Variants in MAPK10 observed in about 807,000 individuals in gnomAD.
MAPK10 encodes the protein mitogen-activated protein kinase 10, also known as JNK3 alpha protein kinase.
A neutral mutation model predicts 59.3 loss-of-function variants in MAPK10; 25 were observed. The ratio of observed to expected loss-of-function variants is 0.42; its 90% confidence interval spans 0.31 to 0.59. The LOEUF is 0.59. Ranked by LOEUF, MAPK10 falls within the 20% of genes least tolerant of loss-of-function variation. MAPK10 has a pLI of 0.15. For synonymous variants in MAPK10, 190 were observed against 200.5 expected (o/e 0.95, Z 0.44); for missense variants, 351 against 568.9 (o/e 0.62, Z 3.90).
At chr4:86,109,887 C>A (rs753543676) in intron 4 of MAPK10, among the ~76,000 whole-genome samples, 1 of 152,184 alleles carries the variant, frequency 6.6e-6, no homozygotes, top group Non-Finnish European at 1.5e-5. Flanking sequence ...GCCTTGCCAG[C>A]ATCTGTTTCT....
At chr4:86,225,661 C>T (rs186752634) in intron 2 of MAPK10, among the ~76,000 whole-genome samples, 14 of 152,246 alleles carry the variant, frequency 9.2e-5, no homozygotes, top group Admixed American at 2.0e-4. Context: ...CATATTTTAT[C>T]GGTAACATAA....
rs1481471148 is a variant in MAPK10 at position 86,350,715 on chromosome 4, CTTT to C, written c.-7+3812_-7+3814del. Reference sequence around the variant, plus strand: ...TGGATGACAGAGTATATTGAAAATTCTTTAAGTAGGGCAATTATACGGTAACAA... The same window carrying C: ...TGGATGACAGAGTATATTGAAAATTCAAGTAGGGCAATTATACGGTAACAA... On this transcript the variant is annotated intron_variant, in intron 2 of 13. Coordinates refer to ENST00000641462, the MANE Select transcript of MAPK10 (RefSeq NM_138982.4). 5.3e-5 allele frequency among the ~76,000 whole-genome samples: 8 copies of C among 152,216 alleles called. No individual in the cohort carries two copies. In the East Asian group the frequency reaches 1.4e-3, roughly 26 times the overall value.
chr4:86,109,174 C>T (rs1170967152), intron 4 of MAPK10, among the ~76,000 whole-genome samples: 1 of 152,146 alleles, frequency 6.6e-6, no homozygotes, highest in Non-Finnish European at 1.5e-5. Flanking sequence ...CTAAGTCTGT[C>T]CTGGAACTCT....
chr4:86,569,804 AGGTG>A (rs1280413915), intron 1 of MAPK10, among the ~76,000 whole-genome samples: 9 of 152,080 alleles, frequency 5.9e-5, no homozygotes. Context: ...TCCAAAAGGT[AGGTG>A]GGTGAGAGAG....
intron 4 of MAPK10, among the ~76,000 whole-genome samples, chr4:86,130,220 T>C (rs942974690): frequency 6.6e-6 from 1 of 152,142 alleles, no homozygotes; most frequent in Non-Finnish European, 1.5e-5. Flanking sequence ...TCAACAACAA[T>C]TTACTGATCT....
At chr4:86,447,208 C>T (rs1750148884) in intron 1 of MAPK10, among the ~76,000 whole-genome samples, 2 of 152,132 alleles carry the variant, frequency 1.3e-5, no homozygotes, top group Admixed American at 6.5e-5. Flanking sequence ...TTCTTGTGAT[C>T]GTGAGAGAAT....
At chr4:86,113,049 T>C (rs886631916) in intron 4 of MAPK10, among the ~76,000 whole-genome samples, 2 of 152,154 alleles carry the variant, frequency 1.3e-5, no homozygotes, top group Non-Finnish European at 2.9e-5. Flanking sequence ...CCTGCCTTTT[T>C]CTGCTTTCCA....
At chr4:86,308,255 T>G (rs963201751) in intron 2 of MAPK10, among the ~76,000 whole-genome samples, 1 of 152,188 alleles carries the variant, frequency 6.6e-6, no homozygotes, top group Non-Finnish European at 1.5e-5. Context: ...TATACATCTC[T>G]TAATACCTTA....
intron 1 of MAPK10, among the ~76,000 whole-genome samples, chr4:86,587,756 C>T (rs967634999): frequency 6.6e-6 from 1 of 152,218 alleles, no homozygotes. Flanking sequence ...GAATTCATTT[C>T]AGCCTTTGAG....
intron 4 of MAPK10, chr4:86,152,266 TA>T: frequency 6.6e-6 from 1 of 152,074 alleles, no homozygotes; most frequent in Admixed American, 6.5e-5. Flanking sequence ...TTTTTAATGA[TA>T]AAAAATAAAG....
chr4:86,074,326 A>T lies in MAPK10; in HGVS notation c.803-6371T>A, dbSNP rs550296338. On this transcript the variant is annotated intron_variant, in intron 9 of 13. Coordinates refer to ENST00000641462, the MANE Select transcript of MAPK10 (RefSeq NM_138982.4). ...TGGGTTTCCTGAATACAGCACACTG[A>T]TGGATCTTGACTCTTTATCCAATTT... Among the ~76,000 whole-genome samples the T allele has an allele frequency of 1.6e-4, 24 of 149,228 alleles. No individual in the cohort carries two copies. In the East Asian group the frequency reaches 3.9e-3, roughly 25 times the overall value.
intron 2 of MAPK10, among the ~76,000 whole-genome samples, chr4:86,251,817 C>G (rs1421718311): frequency 2.9e-5 from 4 of 139,054 alleles, no homozygotes; most frequent in Non-Finnish European, 6.0e-5. Flanking sequence ...TCCTATTTCT[C>G]CACATCCTCT....
chr4:86,190,328 G>C (rs2079381745), intron 3 of MAPK10, among the ~76,000 whole-genome samples: 2 of 151,924 alleles, frequency 1.3e-5, no homozygotes, highest in African/African-American at 2.4e-5. Flanking sequence ...AATGATACCA[G>C]CTCTTCTGTA....
intron 2 of MAPK10, among the ~76,000 whole-genome samples, chr4:86,310,179 A>C (rs934393909): frequency 6.6e-6 from 1 of 152,150 alleles, no homozygotes; most frequent in African/African-American, 2.4e-5. Context: ...AGATGGAACC[A>C]AAGTACTTCT....
chr4:86,397,232 G>A (rs1743058557), intron 1 of MAPK10, among the ~76,000 whole-genome samples: 1 of 152,190 alleles, frequency 6.6e-6, no homozygotes, highest in African/African-American at 2.4e-5. Flanking sequence ...AGCACCCTGT[G>A]TGGTTGGTCT....
intron 2 of MAPK10, among the ~76,000 whole-genome samples, chr4:86,307,697 G>T (rs911148356): frequency 7.2e-5 from 11 of 152,132 alleles, no homozygotes; most frequent in African/African-American, 2.7e-4. Flanking sequence ...GTCTAGTTTG[G>T]TTGGGACATA....
intron 1 of MAPK10, among the ~76,000 whole-genome samples, chr4:86,414,585 T>C (rs1014785753): frequency 1.3e-5 from 2 of 152,240 alleles, no homozygotes; most frequent in Non-Finnish European, 2.9e-5. Flanking sequence ...GATCAAATTA[T>C]GCCTGAAGTC....
intron 2 of MAPK10, among the ~76,000 whole-genome samples, chr4:86,251,108 A>T (rs1335174769): frequency 6.6e-6 from 1 of 152,178 alleles, no homozygotes; most frequent in African/African-American, 2.4e-5. Context: ...CTGAGGCAGG[A>T]TTGCAATCTC....
intron 13 of MAPK10, chr4:86,026,365 A>G (rs537342055): frequency 1.8e-4 from 28 of 152,338 alleles, no homozygotes; most frequent in African/African-American, 6.5e-4. Context: ...TTACAGATCA[A>G]TTCAGGAAGC....
Sources: gnomAD v4.1 joint callset for allele counts (sites outside exome capture counted in the v4.1 genomes callset) on GRCh38, gnomAD v4.1.1 for gene constraint, MANE v1.5 for transcripts, NCBI Gene and HGNC (gene_info 2026-07-23, HGNC 2026-07-21) for gene names.